Variants in ASTN2 observed in about 807,000 individuals in gnomAD.
The protein encoded by ASTN2 is astrotactin-2.
In ASTN2, 54 loss-of-function variants were observed where a neutral mutation model predicts 139.8. That is an observed-to-expected ratio of 0.39 (90% CI 0.31 to 0.48). The LOEUF (loss-of-function observed/expected upper bound fraction) is 0.48, where lower values mean the gene tolerates loss of function less well. ASTN2 is among the 20% of genes least tolerant of loss of function. The pLI, the probability that ASTN2 is intolerant of heterozygous loss-of-function variation, is 0.95. For synonymous variants in ASTN2, 756 were observed against 719.5 expected (o/e 1.05, Z -0.81); for missense variants, 1,565 against 1,725.1 (o/e 0.91, Z 1.64).
intron 10 of ASTN2, among the ~76,000 whole-genome samples, chr9:116,952,770 A>G (rs1835600437): frequency 6.6e-6 from 1 of 152,172 alleles, no homozygotes; most frequent in Non-Finnish European, 1.5e-5. Flanking sequence ...CAGCTAGCCG[A>G]GCAATCGCCG....
intron 4 of ASTN2, among the ~76,000 whole-genome samples, chr9:117,133,665 T>G (rs1266528552): frequency 6.6e-6 from 1 of 152,136 alleles, no homozygotes; most frequent in Admixed American, 6.6e-5. Flanking sequence ...ATAAATTACT[T>G]GAATAAAAGA....
rs147582396 is a variant in ASTN2, at chr9:116,999,771, G to A, written c.1591+8321C>T. Among the ~76,000 whole-genome samples, 834 of 151,982 alleles carry A rather than the reference G, an allele frequency of 5.5e-3. 9 individuals carry two copies. The highest frequency in any genetic ancestry group is 0.019 in the African/African-American group (805 of 41,446). On this transcript the variant is annotated intron_variant, in intron 7 of 22. Coordinates refer to ENST00000313400, the MANE Select transcript of ASTN2 (RefSeq NM_001365068.1). Reference sequence around the variant, plus strand: ...GACAGAGTTTCACAGTGTGGGCCAGGCTGGTCTCGAACTCCTGGCCTCAAG... The same window carrying A: ...GACAGAGTTTCACAGTGTGGGCCAGACTGGTCTCGAACTCCTGGCCTCAAG...
At chr9:116,637,138 A>T (rs147372141) in intron 17 of ASTN2, among the ~76,000 whole-genome samples, 251 of 152,322 alleles carry the variant, frequency 1.6e-3, no homozygotes, top group Non-Finnish European at 2.9e-3. Flanking sequence ...ATTACCCAGT[A>T]TCAAGTATTT....
intron 5 of ASTN2, among the ~76,000 whole-genome samples, chr9:117,054,651 C>A (rs1839005664): frequency 6.6e-6 from 1 of 152,160 alleles, no homozygotes; most frequent in African/African-American, 2.4e-5. Flanking sequence ...CAGAAGGAAA[C>A]AGCAGGGCAC....
At chr9:116,786,271 C>G (rs1486923530) in intron 13 of ASTN2, among the ~76,000 whole-genome samples, 1 of 152,178 alleles carries the variant, frequency 6.6e-6, no homozygotes, top group Non-Finnish European at 1.5e-5. Flanking sequence ...CCTCTAGTAC[C>G]CTTAACTCAA....
At chr9:117,288,157 T>C (rs1340342014) in intron 2 of ASTN2, among the ~76,000 whole-genome samples, 1 of 152,220 alleles carries the variant, frequency 6.6e-6, no homozygotes, top group Non-Finnish European at 1.5e-5. Flanking sequence ...CTGTTTACTC[T>C]CACTTTCTGG....
intron 19 of ASTN2, among the ~76,000 whole-genome samples, chr9:116,506,611 G>A (rs1395784392): frequency 1.3e-5 from 2 of 152,196 alleles, no homozygotes; most frequent in African/African-American, 4.8e-5. Flanking sequence ...CAGCCAAAAG[G>A]AGGAAGGGAT....
intron 10 of ASTN2, among the ~76,000 whole-genome samples, chr9:116,880,117 T>A (rs1376394865): frequency 6.6e-6 from 1 of 152,142 alleles, no homozygotes; most frequent in Non-Finnish European, 1.5e-5. Context: ...TTACAACAAA[T>A]GCAATATGAT....
chr9:116,544,090 G>A (rs1347453908), intron 19 of ASTN2, among the ~76,000 whole-genome samples: 3 of 152,110 alleles, frequency 2.0e-5, no homozygotes, highest in Non-Finnish European at 2.9e-5. Context: ...CTGCCAAAAC[G>A]ACCTTCTCTG....
chr9:116,777,551 C>T (rs116741614), intron 13 of ASTN2, among the ~76,000 whole-genome samples: 5,014 of 152,096 alleles, frequency 0.033, 294 homozygotes, highest in African/African-American at 0.12. Context: ...AGAGAGTAGA[C>T]GTGGCATGTG....
intron 3 of ASTN2, among the ~76,000 whole-genome samples, chr9:117,160,137 G>T (rs1830515242): frequency 6.6e-6 from 1 of 151,964 alleles, no homozygotes; most frequent in African/African-American, 2.4e-5. Flanking sequence ...AATAGGATGG[G>T]AAAGTGTACC....
chr9:117,298,960 G>A (rs1441149964), intron 1 of ASTN2, among the ~76,000 whole-genome samples: 1 of 151,976 alleles, frequency 6.6e-6, no homozygotes, highest in Non-Finnish European at 1.5e-5. Flanking sequence ...TGTCAATAAT[G>A]GCTGGATTCC....
chr9:116,815,548 G>A (rs1831289253), intron 12 of ASTN2, among the ~76,000 whole-genome samples: 1 of 151,976 alleles, frequency 6.6e-6, no homozygotes, highest in Admixed American at 6.6e-5. Context: ...GCTCACACCT[G>A]TAATCCCAGC....
chr9:117,005,078 C>A (rs563366569), intron 7 of ASTN2, among the ~76,000 whole-genome samples: 57 of 80,056 alleles, frequency 7.1e-4, no homozygotes, highest in African/African-American at 2.8e-3. Context: ...GACCTGTAGT[C>A]GATTTTTTTT....
intron 19 of ASTN2, among the ~76,000 whole-genome samples, chr9:116,610,197 C>A (rs1018065973): frequency 1.3e-5 from 2 of 152,172 alleles, no homozygotes; most frequent in African/African-American, 4.8e-5. Context: ...AACACCCCAA[C>A]TTTACGGTCT....
chr9:117,129,584 AGTT>A (rs1419212044), intron 4 of ASTN2, among the ~76,000 whole-genome samples: 1 of 152,150 alleles, frequency 6.6e-6, no homozygotes, highest in Non-Finnish European at 1.5e-5. Flanking sequence ...TTAATAGTGT[AGTT>A]AAATTTTTCT....
chr9:117,119,986 T>TTG (rs1321670412), intron 4 of ASTN2, among the ~76,000 whole-genome samples: 22 of 79,920 alleles, frequency 2.8e-4, no homozygotes, highest in African/African-American at 9.9e-4. Flanking sequence ...CTCTATATAT[T>TTG]TGTATGTGTG....
chr9:116,586,860 ACG>A (rs1491554011), intron 19 of ASTN2, among the ~76,000 whole-genome samples: 7 of 151,246 alleles, frequency 4.6e-5, no homozygotes, highest in Admixed American at 1.3e-4. Context: ...ACACACACAC[ACG>A]TATGTATATA....
rs141343720 is a variant in ASTN2, at chr9:116,618,331, C to A, written c.3348G>T (p.Leu1116=). The change falls in exon 19 of 23, where the codon CTG becomes CTT. Residue 1116 remains leucine (L), a synonymous_variant. Transcript: ENST00000313400. ...GGGAACTCATGTACCTACCTGTGTA[C>A]AGGTCAGTGTCTGTGTATTCATCCA... The part of the protein sequence containing the change: ...KKVDEYTDTD[L]YTGEFLSFAD... The A allele has an allele frequency of 1.7e-4, 275 of 1,613,458 alleles. No individual in the cohort carries two copies. The highest frequency in any genetic ancestry group is 2.3e-4 in the Non-Finnish European group (268 of 1,179,796).
Sources: allele counts gnomAD v4.1 joint callset (sites outside exome capture counted in the v4.1 genomes callset), GRCh38; gene constraint gnomAD v4.1.1; transcripts MANE v1.5; gene names NCBI Gene and HGNC (gene_info 2026-07-23, HGNC 2026-07-21).